Variants in GMDS observed in about 807,000 individuals in gnomAD.
GMDS encodes the protein GDP-mannose 4,6-dehydratase.
GMDS carries 20 observed loss-of-function variants against 49.9 expected under a neutral mutation model. The ratio of observed to expected loss-of-function variants is 0.40; its 90% CI spans 0.28 to 0.58. The LOEUF (loss-of-function observed/expected upper bound fraction) is 0.58, where lower values mean the gene tolerates loss of function less well. GMDS is among the 20% of genes least tolerant of loss of function. The probability of loss-of-function intolerance (pLI) is 0.42; values close to 1 mark genes in which losing one functional copy is unlikely to be tolerated. For synonymous variants in GMDS, 177 were observed against 178.6 expected (o/e 0.99, Z 0.07); for missense variants, 362 against 481.4 (o/e 0.75, Z 2.32).
intron 4 of GMDS, among the ~76,000 whole-genome samples, chr6:1,992,662 T>C (rs1766026194): frequency 6.6e-6 from 1 of 151,776 alleles, no homozygotes; most frequent in African/African-American, 2.4e-5. Context: ...GCACTCCCAA[T>C]CCTTGGCCTA....
chr6:2,147,889 T>A (rs1163305738), intron 1 of GMDS, among the ~76,000 whole-genome samples: 3 of 150,380 alleles, frequency 2.0e-5, no homozygotes, highest in Non-Finnish European at 4.4e-5. Context: ...GTAGTTGCAT[T>A]TTATGCATAA....
chr6:2,133,139 A>C (rs1333085364), intron 1 of GMDS, among the ~76,000 whole-genome samples: 1 of 152,182 alleles, frequency 6.6e-6, no homozygotes, highest in African/African-American at 2.4e-5. Context: ...TTTTGCAGGT[A>C]CTCTAAAACA....
intron 4 of GMDS, among the ~76,000 whole-genome samples, chr6:2,006,479 G>T (rs1449885852): frequency 6.6e-6 from 1 of 152,012 alleles, no homozygotes; most frequent in African/African-American, 2.4e-5. Context: ...CAAATCCACT[G>T]GTTTCTGGCA....
At chr6:2,130,658 T>C (rs1775684444) in intron 1 of GMDS, among the ~76,000 whole-genome samples, 1 of 152,198 alleles carries the variant, frequency 6.6e-6, no homozygotes, top group African/African-American at 2.4e-5. Context: ...TCAATCATCC[T>C]TGATATTGGT....
intron 7 of GMDS, among the ~76,000 whole-genome samples, chr6:1,747,482 G>A (rs1317588796): frequency 3.2e-4 from 1 of 3,150 alleles, no homozygotes; most frequent in African/African-American, 8.0e-4. Flanking sequence ...ACGCTCATGC[G>A]TGTGCGCGCA....
intron 1 of GMDS, among the ~76,000 whole-genome samples, chr6:2,229,670 A>C (rs1214456203): frequency 6.6e-6 from 1 of 152,204 alleles, no homozygotes; most frequent in Non-Finnish European, 1.5e-5. Context: ...TTACAGATTT[A>C]TCTTAATTCC....
At position 2,117,541 on chromosome 6, in the gene GMDS, G is replaced by T; in HGVS notation, c.163C>A (p.Arg55=). 6.2e-7 allele frequency: 1 copy of T among 1,601,930 alleles called. No homozygotes were observed. Among genetic ancestry groups the T allele is most frequent in the Non-Finnish European group, 8.6e-7 (1 of 1,168,966 alleles). Residue 55 remains arginine, a synonymous_variant, in exon 3 of 11, where the codon CGG becomes AGG. Coordinates refer to ENST00000380815, the MANE Select transcript of GMDS (RefSeq NM_001500.4). Reference sequence around the variant, plus strand: ...CCCGTATTAAATGAACTGGACCGCCGTACAATTCCATGGACCTGAGTTTTT... The same window carrying T: ...CCCGTATTAAATGAACTGGACCGCCTTACAATTCCATGGACCTGAGTTTTT... The part of the protein sequence containing the change: ...EKGYEVHGIV[R]RSSSFNTGRI...
chr6:1,646,566 T>TA (rs1379678792), intron 9 of GMDS, among the ~76,000 whole-genome samples: 1 of 152,094 alleles, frequency 6.6e-6, no homozygotes, highest in Non-Finnish European at 1.5e-5. Context: ...ATGTTTTTTT[T>TA]AGAGATGGAT....
intron 9 of GMDS, among the ~76,000 whole-genome samples, chr6:1,677,997 C>T (rs1489065353): frequency 6.6e-6 from 1 of 152,116 alleles, no homozygotes; most frequent in Non-Finnish European, 1.5e-5. Context: ...TTAGCCTTCT[C>T]ATATCGATGG....
chr6:1,743,508 A>C (rs1767361941), intron 7 of GMDS, among the ~76,000 whole-genome samples: 1 of 134,782 alleles, frequency 7.4e-6, no homozygotes, highest in African/African-American at 2.7e-5. Flanking sequence ...GCGCCACTGC[A>C]CTCCAGCCTG....
rs79222262 is a variant in GMDS at position 1,946,027 on chromosome 6, T to C, written c.643+13840A>G. Among the ~76,000 whole-genome samples, 408 of 152,322 alleles carry C rather than the reference T, an allele frequency of 2.7e-3. 1 individual carries two copies. Among genetic ancestry groups the C allele is most frequent in the Admixed American group, 7.3e-3 (111 of 15,308 alleles). ...TTAGTCCCAGTTTCTATGTCACCCA[T>C]GTGGCAAAATTTCAGGTGAAAGATT... On this transcript the variant is annotated intron_variant, in intron 6 of 10. Transcript: ENST00000380815.
At chr6:2,244,333 A>T (rs1056102694) in intron 1 of GMDS, among the ~76,000 whole-genome samples, 1 of 152,218 alleles carries the variant, frequency 6.6e-6, no homozygotes, top group Admixed American at 6.5e-5. Flanking sequence ...TGAGAACTAA[A>T]TGAGTTAATG....
In GMDS at chr6:1,778,844, T is replaced by C. The variant is rs925496864; in HGVS notation, c.772-36258A>G. ...CAGAACTTGGCCCCTTGCATTTTCT[T>C]GTTTTTTTTTTCTCTTATAGCAGAA... On this transcript the variant is annotated intron_variant, in intron 7 of 10. Transcript: ENST00000380815. This position sits in a 1 kb window ranked among gnomAD's most constrained non-coding sequence, Gnocchi z 4.6. Among the ~76,000 whole-genome samples, 3 of 151,818 alleles carry C rather than the reference T, an allele frequency of 2.0e-5. No homozygotes were observed. Among genetic ancestry groups the C allele is most frequent in the Admixed American group, 6.5e-5 (1 of 15,274 alleles).
chr6:1,834,828 G>A (rs968578595), intron 7 of GMDS, among the ~76,000 whole-genome samples: 11 of 151,866 alleles, frequency 7.2e-5, no homozygotes, highest in Admixed American at 1.3e-4. Flanking sequence ...TGTTTGTTCC[G>A]TCCCCCTTCC....
At chr6:2,167,668 G>A (rs1328462488) in intron 1 of GMDS, among the ~76,000 whole-genome samples, 1 of 151,408 alleles carries the variant, frequency 6.6e-6, no homozygotes, top group Non-Finnish European at 1.5e-5. Flanking sequence ...GTCTTTACAT[G>A]CAGCTTCTTC....
chr6:1,990,306 A>C (rs1209481238), intron 4 of GMDS, among the ~76,000 whole-genome samples: 3 of 152,116 alleles, frequency 2.0e-5, no homozygotes, highest in African/African-American at 7.2e-5. Context: ...AAGAAAAAGA[A>C]AGAAAGAAAG....
At chr6:1,798,147 C>T (rs1020781961) in intron 7 of GMDS, among the ~76,000 whole-genome samples, 4 of 151,870 alleles carry the variant, frequency 2.6e-5, no homozygotes, top group African/African-American at 9.7e-5. Flanking sequence ...GCACTCATTC[C>T]AAAGTTCTAG....
chr6:1,847,819 C>T (rs548010942), intron 7 of GMDS, among the ~76,000 whole-genome samples: 78 of 152,228 alleles, frequency 5.1e-4, no homozygotes, highest in African/African-American at 1.8e-3. Flanking sequence ...GTCAACCAGG[C>T]TGATATTTTG....
intron 7 of GMDS, among the ~76,000 whole-genome samples, chr6:1,915,885 T>A (rs111404104): frequency 9.7e-4 from 148 of 152,334 alleles, no homozygotes; most frequent in African/African-American, 3.4e-3. Flanking sequence ...AACTGGATAT[T>A]TTAATTCATG....
Sources: gnomAD v4.1 joint callset for allele counts (sites outside exome capture counted in the v4.1 genomes callset) on GRCh38, gnomAD v4.1.1 for gene constraint, Gnocchi (gnomAD v3.1) non-coding constraint, MANE v1.5 for transcripts, NCBI Gene and HGNC (gene_info 2026-07-23, HGNC 2026-07-21) for gene names.